Variants in SMARCB1 observed in about 807,000 individuals in gnomAD.
SMARCB1 encodes the protein SWI/SNF related BAF chromatin remodeling complex subunit B1.
In SMARCB1, 5 loss-of-function variants were observed where a neutral mutation model predicts 49.0. The observed-to-expected ratio is 0.10, with a 90% CI of 0.05 to 0.21. The LOEUF is 0.21. Ranked by LOEUF, SMARCB1 falls within the 10% of genes least tolerant of loss-of-function variation. The pLI is 1.00. For synonymous variants in SMARCB1, 201 were observed against 200.1 expected, an observed-to-expected ratio of 1.00 and a Z score of -0.04; for missense variants, 226 against 509.2, an observed-to-expected ratio of 0.44 and a Z score of 5.35.
chr22:23,794,091 T>C (rs1928591036), intron 3 of SMARCB1, among the ~76,000 whole-genome samples: 1 of 152,238 alleles, frequency 6.6e-6, no homozygotes, highest in Admixed American at 6.5e-5. Flanking sequence ...ATTACAGGCA[T>C]GCGCCACCAC....
At position 23,836,193 on chromosome 22, in the gene SMARCB1, A is replaced by T; in HGVS notation, c.*2013A>T. The stretch of plus-strand genomic sequence containing the variant: ...CAGAACTCTGCTAAGGTGAAAACTT[A>T]GGCTCTGAGGTCATAGAAAGGGCAG... On this transcript the variant is annotated 3_prime_UTR_variant, in exon 9 of 9. Coordinates refer to ENST00000644036, the MANE Select transcript of SMARCB1 (RefSeq NM_003073.5). 1 of 985,456 alleles carries T rather than the reference A, an allele frequency of 1.0e-6. No individual in the cohort carries two copies. The highest frequency in any genetic ancestry group is 1.2e-6 in the Non-Finnish European group (1 of 829,926). 61.0% of individuals were successfully genotyped at this position (985,456 alleles called of 1,614,324 possible). A position where few individuals can be genotyped will look rare whatever the true frequency, so the allele number is the denominator to read the frequency against.
Position 23,836,736 on chromosome 22 carries a change from C to A in SMARCB1, c.*2556C>A. 7.3e-7 allele frequency: 1 copy of A among 1,367,004 alleles called. No individual in the cohort carries two copies. The highest frequency in any genetic ancestry group is 9.4e-7 in the Non-Finnish European group (1 of 1,064,898). 84.7% of individuals were successfully genotyped at this position (1,367,004 alleles called of 1,614,324 possible). A position where few individuals can be genotyped will look rare whatever the true frequency, so the allele number is the denominator to read the frequency against. ...GCCAGTGCTGTGGGCCAAGAGACTG[C>A]AGCTCATTCTGTTTATTCAGGTGGG... On this transcript the variant is annotated 3_prime_UTR_variant, in exon 9 of 9. Coordinates refer to ENST00000644036, the MANE Select transcript of SMARCB1 (RefSeq NM_003073.5).
intron 8 of SMARCB1, 140 bp downstream of exon 8, chr22:23,833,843 G>A (rs2030806093): frequency 1.0e-6 from 1 of 962,776 alleles, no homozygotes; most frequent in African/African-American, 1.6e-5. Context: ...GCAGGCTTCT[G>A]GGTGATAAGG....
At position 23,787,274 on chromosome 22, in the gene SMARCB1, C is replaced by G. The variant is rs1162070583; in HGVS notation, c.93+12C>G. ...TGATCGGCTCCGAGGTAGCCCGGGG[C>G]GCGTTCTCGCCCTCCCCGGGCTCGG... On this transcript the variant is annotated intron_variant, in intron 1 of 8. Transcript: ENST00000644036. 1.6e-5 allele frequency: 24 copies of G among 1,538,324 alleles called. No individual in the cohort carries two copies. The highest frequency in any genetic ancestry group is 2.1e-5 in the Non-Finnish European group (23 of 1,121,200).
intron 7 of SMARCB1, among the ~76,000 whole-genome samples, chr22:23,826,616 C>A (rs1347117968): frequency 2.0e-5 from 3 of 152,172 alleles, no homozygotes; most frequent in Non-Finnish European, 4.4e-5. Context: ...CATCTGCAGT[C>A]ATCACTCAGG....
At position 23,812,473 on chromosome 22, in the gene SMARCB1, A is replaced by G. The variant is rs1455402225; in HGVS notation, c.629-4297A>G. 2.6e-5 allele frequency among the ~76,000 whole-genome samples: 4 copies of G among 152,288 alleles called. No individual in the cohort carries two copies. The East Asian group carries it at 5.8e-4, about 22-fold the overall frequency. On this transcript the variant is annotated intron_variant, in intron 5 of 8. Coordinates refer to ENST00000644036, the MANE Select transcript of SMARCB1 (RefSeq NM_003073.5). ...AAGAGGAGAACGCACTTCCTGATCA[A>G]TTTTATAAAGCTCGTATTACCTAGA...
At chr22:23,805,487 G>A (rs1236769505) in intron 5 of SMARCB1, among the ~76,000 whole-genome samples, 2 of 152,098 alleles carry the variant, frequency 1.3e-5, no homozygotes, top group African/African-American at 4.8e-5. Context: ...AAGGTCAGGG[G>A]CCTTGTTTTT....
intron 7 of SMARCB1, among the ~76,000 whole-genome samples, chr22:23,827,987 G>C (rs982406597): frequency 3.3e-5 from 5 of 152,350 alleles, no homozygotes; most frequent in Admixed American, 3.3e-4. Context: ...AGCCCACAGA[G>C]AGCTAGACCA....
intron 8 of SMARCB1, 64 bp from the exon 9 acceptor site, chr22:23,834,077 G>A (rs2146044306): frequency 1.3e-6 from 2 of 1,524,990 alleles, no homozygotes; most frequent in South Asian, 1.2e-5. Flanking sequence ...GTAGAGCCTT[G>A]GGAAGGGCAG....
At chr22:23,796,045 G>A (rs530539715) in intron 3 of SMARCB1, among the ~76,000 whole-genome samples, 1 of 151,920 alleles carries the variant, frequency 6.6e-6, no homozygotes, top group Admixed American at 6.6e-5. Context: ...CTCCCGCCTC[G>A]GCCTCCCAAA....
In SMARCB1 at chr22:23,799,679, A is replaced by ATTTTTTT. The variant is rs71184912; in HGVS notation, c.363-1248_363-1242dup. On this transcript the variant is annotated intron_variant, in intron 3 of 8. Transcript: ENST00000644036. ...AGGTTCCTGCCATCACACCTGGCTA[A>ATTTTTTT]TTTTTTTTTTTTTTTTTTTTTTTGA... Among the ~76,000 whole-genome samples, 292 of 68,394 alleles carry ATTTTTTT rather than the reference A, an allele frequency of 4.3e-3. 23 individuals carry two copies. The highest frequency in any genetic ancestry group is 0.015 in the African/African-American group (264 of 17,178). 44.9% of individuals were successfully genotyped at this position (68,394 alleles called of 152,430 possible).
In SMARCB1 at chr22:23,835,045, C is replaced by A; in HGVS notation, c.*865C>A. ...AGCCAGGTCAGCTGGGGCCCTTTCC[C>A]ACCCCAGCAGGTGCTGTGGCCTGGG... On this transcript the variant is annotated 3_prime_UTR_variant, in exon 9 of 9. Transcript: ENST00000644036. 7.1e-7 allele frequency: 1 copy of A among 1,406,606 alleles called. No homozygotes were observed. The highest frequency in any genetic ancestry group is 1.6e-5 in the South Asian group (1 of 64,070). The allele number at this position is 1,406,606 out of a possible 1,614,324, so 87.1% of individuals were successfully genotyped here.
At chr22:23,801,995 C>G (rs1017725140) in intron 4 of SMARCB1, 1 of 158,558 alleles carries the variant, frequency 6.3e-6, no homozygotes, top group Non-Finnish European at 1.4e-5. Context: ...CTGCCTTTTC[C>G]TCACACAGCA....
intron 7 of SMARCB1, among the ~76,000 whole-genome samples, chr22:23,832,279 T>C (rs568175219): frequency 6.6e-6 from 1 of 152,188 alleles, no homozygotes; most frequent in Non-Finnish European, 1.5e-5. Flanking sequence ...AGTGGAGATG[T>C]TTTGGCTGCT....
chr22:23,803,253 C>G (rs753685430), intron 4 of SMARCB1, 42 bp from the exon 5 acceptor site: 6 of 1,613,530 alleles, frequency 3.7e-6, no homozygotes, highest in Non-Finnish European at 4.2e-6. Flanking sequence ...ATACCTAGGG[C>G]TCCGGCCCCC....
chr22:23,819,457 T>G lies in SMARCB1; in HGVS notation c.795+2521T>G, dbSNP rs1386859331. The stretch of plus-strand genomic sequence containing the variant: ...CAATCTCCTGCTTCAGCTTCCTGAG[T>G]AGCTGGGATTACTGGCACCCACCAC... On this transcript the variant is annotated intron_variant, in intron 6 of 8. Coordinates refer to ENST00000644036, the MANE Select transcript of SMARCB1 (RefSeq NM_003073.5). Among the ~76,000 whole-genome samples, 4 of 152,142 alleles carry G rather than the reference T, an allele frequency of 2.6e-5. No homozygotes were observed. In the East Asian group the frequency reaches 7.8e-4, roughly 29 times the overall value.
intron 2 of SMARCB1, chr22:23,792,267 C>T: frequency 5.6e-6 from 2 of 359,524 alleles, no homozygotes; most frequent in South Asian, 2.1e-5. Flanking sequence ...GTGGTCCCAG[C>T]TCCCACTCCC....
rs142384721 is a variant in SMARCB1 at position 23,832,128 on chromosome 22, G to A, written c.987-1444G>A. ...TGAGCCCAACCTGGAACGGGCTCACGGCTACTGGAGCTGGGTGTGTGCTCA... is the reference window on the plus strand; with the variant it reads ...TGAGCCCAACCTGGAACGGGCTCACAGCTACTGGAGCTGGGTGTGTGCTCA... On this transcript the variant is annotated intron_variant, in intron 7 of 8. Coordinates refer to ENST00000644036, the MANE Select transcript of SMARCB1 (RefSeq NM_003073.5). Among the ~76,000 whole-genome samples the A allele has an allele frequency of 5.4e-3, 822 of 152,270 alleles. 4 individuals carry two copies. The highest frequency in any genetic ancestry group is 7.6e-3 in the Non-Finnish European group (516 of 68,018).
intron 7 of SMARCB1, among the ~76,000 whole-genome samples, chr22:23,827,653 G>T (rs547547592): frequency 6.6e-6 from 1 of 152,346 alleles, no homozygotes; most frequent in East Asian, 1.9e-4. Context: ...GTGAGCACAC[G>T]TCCCTATCAC....
Sources: allele counts gnomAD v4.1 joint callset (sites outside exome capture counted in the v4.1 genomes callset), GRCh38; gene constraint gnomAD v4.1.1; transcripts MANE v1.5; gene names NCBI Gene and HGNC (gene_info 2026-07-23, HGNC 2026-07-21).